Variants in ZFHX3 observed in about 807,000 individuals in gnomAD.
ZFHX3 encodes zinc finger homeobox protein 3.
ZFHX3 carries 42 observed loss-of-function variants against 279.1 expected under a neutral mutation model. The observed-to-expected ratio is 0.15, with a 90% CI of 0.12 to 0.19. The LOEUF is 0.19. Ranked by LOEUF, ZFHX3 falls within the 10% of genes least tolerant of loss-of-function variation. The probability of loss-of-function intolerance (pLI) is 1.00; values close to 1 mark genes in which losing one functional copy is unlikely to be tolerated. For missense variants in ZFHX3, 4,981 were observed against 4,754.0 expected, an observed-to-expected ratio of 1.05 and a Z score of -1.40; for synonymous variants, 2,293 against 1,957.8, an observed-to-expected ratio of 1.17 and a Z score of -4.52.
chr16:73,019,338 CTGTGCGTGTGTGTGTGTGTGTGTGTG>C (rs1964214700), intron 1 of ZFHX3, among the ~76,000 whole-genome samples: 1 of 115,952 alleles, frequency 8.6e-6, no homozygotes, highest in Non-Finnish European at 1.8e-5. Flanking sequence ...GTGTGTGTGT[CTGTGCGTGTGTGTGTGTGTGTGTGTG>C]TGTGCGTGTG....
intron 5 of ZFHX3, among the ~76,000 whole-genome samples, chr16:73,171,264 T>C (rs765340496): frequency 1.3e-5 from 2 of 152,070 alleles, no homozygotes; most frequent in Non-Finnish European, 2.9e-5. Flanking sequence ...GAAGTGCTAT[T>C]AATAATTACT....
At chr16:73,563,751 G>A (rs1047749722) in intron 2 of ZFHX3, among the ~76,000 whole-genome samples, 1 of 152,070 alleles carries the variant, frequency 6.6e-6, no homozygotes, top group Non-Finnish European at 1.5e-5. Flanking sequence ...AACAGGTTAT[G>A]CTCCTAGCCT....
At chr16:72,830,174 G>A (rs545915097) in intron 4 of ZFHX3, among the ~76,000 whole-genome samples, 10 of 152,224 alleles carry the variant, frequency 6.6e-5, no homozygotes, top group Non-Finnish European at 1.5e-4. Context: ...CCTGGTTGAA[G>A]CAGTAACTCC....
intron 3 of ZFHX3, among the ~76,000 whole-genome samples, chr16:73,444,480 C>A (rs531444818): frequency 6.6e-6 from 1 of 152,230 alleles, no homozygotes; most frequent in East Asian, 1.9e-4. Flanking sequence ...CACTTTTTAA[C>A]CACAAGGTCA....
chr16:72,801,706 C>T (rs770692206), intron 7 of ZFHX3, among the ~76,000 whole-genome samples: 7 of 152,152 alleles, frequency 4.6e-5, no homozygotes, highest in Non-Finnish European at 1.0e-4. Flanking sequence ...CAAAGCTCAT[C>T]GGCAGCTGGT....
intron 1 of ZFHX3, among the ~76,000 whole-genome samples, chr16:73,851,633 C>T (rs562835304): frequency 6.6e-6 from 1 of 152,148 alleles, no homozygotes. Context: ...ATTTTAAATT[C>T]CTTCAAAAAG....
chr16:73,349,289 C>G (rs1024025503), intron 3 of ZFHX3, among the ~76,000 whole-genome samples: 4 of 152,290 alleles, frequency 2.6e-5, no homozygotes, highest in African/African-American at 7.2e-5. Flanking sequence ...TCACACCCTT[C>G]CCCTGGAGTC....
chr16:73,441,094 T>C (rs1490420766), intron 3 of ZFHX3, among the ~76,000 whole-genome samples: 1 of 152,164 alleles, frequency 6.6e-6, no homozygotes, highest in African/African-American at 2.4e-5. Flanking sequence ...GTTACATATC[T>C]AGAGTGCCAT....
At chr16:73,520,048 G>T (rs1349183914) in intron 2 of ZFHX3, among the ~76,000 whole-genome samples, 2 of 152,068 alleles carry the variant, frequency 1.3e-5, no homozygotes, top group South Asian at 2.1e-4. Flanking sequence ...TGCCATTTGG[G>T]GTTGGTTTAA....
Position 72,798,359 on chromosome 16 carries a change from G to T in ZFHX3, c.4323C>A (p.Phe1441Leu). 3.1e-6 allele frequency: 5 copies of T among 1,614,214 alleles called. No individual in the cohort carries two copies. The highest frequency in any genetic ancestry group is 4.2e-6 in the Non-Finnish European group (5 of 1,180,046). The change falls in exon 9 of 10, where the codon TTC becomes TTA. Residue 1441 changes from phenylalanine (F) to leucine (L), a missense_variant. Around this residue, in one of 7 missense-constraint regions of ZFHX3, gnomAD observed 1,751 missense variants for 1,770.0 expected, o/e 0.99. Transcript: ENST00000268489. ...TCTCAAGGTGCTTCTTCAGAGCCTGGAAAGTTCGGAAACTGCGCTGACAAA... is the reference window on the plus strand; with the variant it reads ...TCTCAAGGTGCTTCTTCAGAGCCTGTAAAGTTCGGAAACTGCGCTGACAAA... Reference protein sequence around the residue: ...CCLCQRSFRTFQALKKHLETS... With the variant: ...CCLCQRSFRTLQALKKHLETS...
At chr16:73,042,244 C>T (rs892124511) in intron 1 of ZFHX3, among the ~76,000 whole-genome samples, 3 of 152,156 alleles carry the variant, frequency 2.0e-5, no homozygotes, top group Admixed American at 2.0e-4. Context: ...CTTGGTCTTT[C>T]TGCACTCGGC....
At chr16:73,091,524 G>T (rs1488364178) in intron 8 of ZFHX3, among the ~76,000 whole-genome samples, 2 of 152,090 alleles carry the variant, frequency 1.3e-5, no homozygotes, top group Admixed American at 1.3e-4. Context: ...GCCTGAGGTT[G>T]GCTATGTCAA....
At chr16:72,938,959 T>C (rs541178897) in intron 3 of ZFHX3, among the ~76,000 whole-genome samples, 1 of 152,262 alleles carries the variant, frequency 6.6e-6, no homozygotes, top group South Asian at 2.1e-4. Flanking sequence ...CTCCCCACAG[T>C]GCTTCCTCAA....
intron 8 of ZFHX3, among the ~76,000 whole-genome samples, chr16:72,799,448 A>G (rs1314053115): frequency 6.6e-6 from 1 of 152,214 alleles, no homozygotes; most frequent in Non-Finnish European, 1.5e-5. Context: ...AGTGTGGCCA[A>G]ACTCTTCCCA....
At chr16:73,247,745 C>A (rs543534290) in intron 5 of ZFHX3, among the ~76,000 whole-genome samples, 1 of 144,882 alleles carries the variant, frequency 6.9e-6, no homozygotes, top group South Asian at 2.1e-4. Flanking sequence ...TGCCTGTATG[C>A]GGAGTGTATG....
At chr16:73,379,323 C>A (rs1429302735) in intron 3 of ZFHX3, among the ~76,000 whole-genome samples, 1 of 152,092 alleles carries the variant, frequency 6.6e-6, no homozygotes, top group African/African-American at 2.4e-5. Context: ...GACCCCCAAG[C>A]CCCAATCTCA....
chr16:73,131,173 A>T (rs1199088140), intron 6 of ZFHX3: 2 of 415,792 alleles, frequency 4.8e-6, no homozygotes, highest in Admixed American at 2.8e-5. Flanking sequence ...TGAAAATACC[A>T]TGAGCACAAG....
At chr16:73,547,438 A>G (rs1365653802) in intron 2 of ZFHX3, among the ~76,000 whole-genome samples, 2 of 152,194 alleles carry the variant, frequency 1.3e-5, no homozygotes, top group East Asian at 1.9e-4. Flanking sequence ...CTCCTGAAAC[A>G]TTCCTTTTCT....
chr16:73,322,528 G>A (rs2015596032), intron 3 of ZFHX3, among the ~76,000 whole-genome samples: 1 of 152,142 alleles, frequency 6.6e-6, no homozygotes, highest in Non-Finnish European at 1.5e-5. Flanking sequence ...GCAAACATAG[G>A]AATAGCCCTT....
Sources: gnomAD v4.1 joint callset for allele counts (sites outside exome capture counted in the v4.1 genomes callset) on GRCh38, gnomAD v4.1.1 for gene constraint, gnomAD v4.1.1 regional missense constraint, MANE v1.5 for transcripts, NCBI Gene and HGNC (gene_info 2026-07-23, HGNC 2026-07-21) for gene names.